The following ZNF143 variants were observed in gnomAD, a reference collection of about 807,000 sequenced individuals.
ZNF143 encodes the protein zinc finger protein 143.
Under a neutral mutation model 74.1 loss-of-function variants are expected in ZNF143, and 49 were observed. That is an observed-to-expected ratio of 0.66 (90% CI 0.53 to 0.84). ZNF143 has a LOEUF of 0.84. Among genes scored for constraint, ZNF143 ranks in the 40% least tolerant of loss-of-function variants. The probability of loss-of-function intolerance (pLI) is 0.00; values close to 1 mark genes in which losing one functional copy is unlikely to be tolerated. For synonymous variants in ZNF143, 304 were observed against 282.8 expected (o/e 1.07, Z -0.75); for missense variants, 637 against 793.4 (o/e 0.80, Z 2.37).
chr11:9,468,665 A>G (rs531812608), intron 1 of ZNF143, among the ~76,000 whole-genome samples: 1 of 152,332 alleles, frequency 6.6e-6, no homozygotes, highest in African/African-American at 2.4e-5. Flanking sequence ...TTAATGGAAC[A>G]TGCTTACACT....
At chr11:9,504,010 A>G (rs1471126925) in intron 11 of ZNF143, among the ~76,000 whole-genome samples, 2 of 91,886 alleles carry the variant, frequency 2.2e-5, no homozygotes, top group African/African-American at 9.6e-5. Context: ...CTCAGGCTGG[A>G]GTGCAGTGGC....
chr11:9,462,875 C>CA (rs549811819), intron 1 of ZNF143, among the ~76,000 whole-genome samples: 3 of 150,762 alleles, frequency 2.0e-5, no homozygotes, highest in African/African-American at 2.4e-5. Context: ...AACTCCGTCT[C>CA]AAAAAAAAAG....
chr11:9,494,805 C>G, intron 8 of ZNF143, 40 bp downstream of exon 8: 3 of 1,551,250 alleles, frequency 1.9e-6, no homozygotes. Flanking sequence ...TATGAGAATA[C>G]CTAGGATATT....
intron 10 of ZNF143, among the ~76,000 whole-genome samples, chr11:9,499,038 G>C (rs1272301641): frequency 6.6e-6 from 1 of 152,048 alleles, no homozygotes; most frequent in Non-Finnish European, 1.5e-5. Flanking sequence ...AAACCAACTT[G>C]TTATATAAAA....
At chr11:9,522,141 G>GA (rs770546428) in intron 14 of ZNF143, among the ~76,000 whole-genome samples, 21 of 151,362 alleles carry the variant, frequency 1.4e-4, no homozygotes, top group Admixed American at 2.6e-4. Flanking sequence ...GCTTGTATTG[G>GA]AAAAAAAAGG....
intron 7 of ZNF143, among the ~76,000 whole-genome samples, chr11:9,486,378 T>TATATATA (rs1847495090): frequency 2.2e-4 from 8 of 36,192 alleles, no homozygotes; most frequent in African/African-American, 1.0e-3. Context: ...TATAATATAT[T>TATATATA]ATATATATAA....
chr11:9,486,379 A>ATATATATAT (rs1554964395), intron 7 of ZNF143, among the ~76,000 whole-genome samples: 2 of 23,118 alleles, frequency 8.7e-5, no homozygotes, highest in Non-Finnish European at 1.6e-4. Flanking sequence ...ATAATATATT[A>ATATATATAT]TATATATAAT....
intron 7 of ZNF143, among the ~76,000 whole-genome samples, chr11:9,485,167 A>T (rs1249786561): frequency 1.3e-5 from 2 of 151,118 alleles, no homozygotes; most frequent in African/African-American, 2.5e-5. Context: ...AAGAAAACCC[A>T]AAATGACCCG....
chr11:9,514,344 A>G (rs1848653155), intron 13 of ZNF143, among the ~76,000 whole-genome samples: 1 of 152,074 alleles, frequency 6.6e-6, no homozygotes, highest in Non-Finnish European at 1.5e-5. Context: ...TAACCTTCTC[A>G]TTTCCTTCAG....
chr11:9,475,278 G>T (rs976167390), intron 5 of ZNF143, among the ~76,000 whole-genome samples: 5 of 152,012 alleles, frequency 3.3e-5, no homozygotes, highest in African/African-American at 1.2e-4. Context: ...ATTCATTTCT[G>T]TATTTTAGAG....
chr11:9,517,145 C>T (rs1263147513), intron 14 of ZNF143, among the ~76,000 whole-genome samples: 1 of 151,006 alleles, frequency 6.6e-6, no homozygotes, highest in Non-Finnish European at 1.5e-5. Flanking sequence ...AGGCCTTGGC[C>T]TCCCAAAGTG....
intron 7 of ZNF143, among the ~76,000 whole-genome samples, chr11:9,485,229 A>G (rs1035664018): frequency 6.6e-6 from 1 of 151,172 alleles, no homozygotes; most frequent in African/African-American, 2.5e-5. Context: ...AAAAGTAATC[A>G]TGTTTATGTT....
At position 9,480,771 on chromosome 11, in the gene ZNF143, T is replaced by C. The variant is rs545031781; in HGVS notation, c.645+1225T>C. 3.1e-3 allele frequency among the ~76,000 whole-genome samples: 462 copies of C among 150,992 alleles called. 3 individuals are homozygous for C. The highest frequency in any genetic ancestry group is 0.011 in the African/African-American group (448 of 41,104). On this transcript the variant is annotated intron_variant, in intron 7 of 15. Transcript: ENST00000396602. ...GTGTGGTGGCTAGTGCCTATAATCC[T>C]AGCTACTCAGGAGGCTGAGGCAGGA... is the stretch of plus-strand genomic sequence containing the variant.
intron 10 of ZNF143, among the ~76,000 whole-genome samples, chr11:9,498,488 C>T (rs16906852): frequency 0.035 from 5,317 of 152,248 alleles, 284 homozygotes; most frequent in African/African-American, 0.11. Context: ...TGTCTGAACC[C>T]CAACAGGCCC....
intron 14 of ZNF143, among the ~76,000 whole-genome samples, chr11:9,520,588 C>A (rs765078357): frequency 6.6e-6 from 1 of 151,816 alleles, no homozygotes; most frequent in Non-Finnish European, 1.5e-5. Context: ...GTCAGGAGTT[C>A]GAGACCAGCC....
intron 5 of ZNF143, among the ~76,000 whole-genome samples, chr11:9,476,737 G>A (rs1490766665): frequency 1.6e-5 from 2 of 127,132 alleles, no homozygotes; most frequent in African/African-American, 5.5e-5. Context: ...TGAAGCCAAA[G>A]GGAGGAATCT....
chr11:9,478,633 A>G (rs1847116641), intron 6 of ZNF143, 47 bp downstream of exon 6: 1 of 1,547,746 alleles, frequency 6.5e-7, no homozygotes, highest in Non-Finnish European at 8.8e-7. Flanking sequence ...TAGCTTCTTT[A>G]TTTTTCATGA....
intron 1 of ZNF143, among the ~76,000 whole-genome samples, chr11:9,462,395 T>C (rs766169024): frequency 6.6e-6 from 1 of 152,014 alleles, no homozygotes; most frequent in African/African-American, 2.4e-5. Flanking sequence ...GGCCCTCCCA[T>C]GTTTCTACAA....
In ZNF143 at chr11:9,496,692, G is replaced by A. The variant is rs1847969895; in HGVS notation, c.841+314G>A. 2.0e-5 allele frequency among the ~76,000 whole-genome samples: 3 copies of A among 151,820 alleles called. No homozygotes were observed. The South Asian group carries it at 6.2e-4, about 32-fold the overall frequency. ...GCTCACTGCAACCTCCGCCTCCCAGGTTCAAGCAATTCTAGTGCCTCAGCC... is the reference window on the plus strand; with the variant it reads ...GCTCACTGCAACCTCCGCCTCCCAGATTCAAGCAATTCTAGTGCCTCAGCC... On this transcript the variant is annotated intron_variant, in intron 9 of 15. Transcript: ENST00000396602.
Sources: allele counts gnomAD v4.1 joint callset (sites outside exome capture counted in the v4.1 genomes callset), GRCh38; gene constraint gnomAD v4.1.1; transcripts MANE v1.5; gene names NCBI Gene and HGNC (gene_info 2026-07-23, HGNC 2026-07-21).